The following HSD11B1 variants were observed in gnomAD, a reference collection of about 807,000 sequenced individuals.
The protein encoded by HSD11B1 is hydroxysteroid 11-beta dehydrogenase 1, also known as 11-beta-hydroxysteroid dehydrogenase 1.
In HSD11B1, 15 loss-of-function variants were observed where a neutral mutation model predicts 22.1. That is an observed-to-expected ratio of 0.68 (90% CI 0.45 to 1.04). HSD11B1 has a LOEUF of 1.04. Ranked by LOEUF, HSD11B1 falls within the 50% of genes least tolerant of loss-of-function variation. HSD11B1 has a pLI of 0.00. For synonymous variants in HSD11B1, 122 were observed against 125.2 expected (o/e 0.97, Z 0.17); for missense variants, 281 against 357.6 (o/e 0.79, Z 1.73).
intron 1 of HSD11B1, among the ~76,000 whole-genome samples, chr1:209,699,422 G>T (rs1207643104): frequency 6.6e-6 from 1 of 152,166 alleles, no homozygotes; most frequent in Non-Finnish European, 1.5e-5. Flanking sequence ...AGAGTAAAAT[G>T]AGAAAGAAGC....
intron 1 of HSD11B1, among the ~76,000 whole-genome samples, chr1:209,690,290 AG>A (rs1418766754): frequency 2.0e-5 from 3 of 151,882 alleles, no homozygotes; most frequent in African/African-American, 7.3e-5. Context: ...TGGGCAACAG[AG>A]TGAGACCCTG....
chr1:209,710,917 C>T (rs908381995), intron 4 of HSD11B1, among the ~76,000 whole-genome samples: 1 of 152,144 alleles, frequency 6.6e-6, no homozygotes, highest in Non-Finnish European at 1.5e-5. Flanking sequence ...TATTCCTTTC[C>T]TGTTTTACTC....
In HSD11B1 at chr1:209,722,641, G is replaced by A. The variant is rs906848530; in HGVS notation, c.518-9795G>A. Among the ~76,000 whole-genome samples, 4 of 152,192 alleles carry A rather than the reference G, an allele frequency of 2.6e-5. No individual in the cohort carries two copies. In the South Asian group the frequency reaches 8.3e-4, roughly 31 times the overall value. On this transcript the variant is annotated intron_variant, in intron 4 of 5. Coordinates refer to ENST00000367027, the MANE Select transcript of HSD11B1 (RefSeq NM_005525.4). ...CAAACAACTAAAGAGTTTAGACCAT[G>A]AGGGTCTCAACTGAGGAAGGATTTT...
chr1:209,709,143 C>T (rs1488435098), intron 4 of HSD11B1, among the ~76,000 whole-genome samples: 1 of 152,188 alleles, frequency 6.6e-6, no homozygotes, highest in Non-Finnish European at 1.5e-5. Context: ...GTCAGCCAAA[C>T]AGTACTGGGA....
chr1:209,725,829 C>T (rs1455337740), intron 4 of HSD11B1, among the ~76,000 whole-genome samples: 1 of 152,180 alleles, frequency 6.6e-6, no homozygotes, highest in African/African-American at 2.4e-5. Context: ...TCCTTATTTG[C>T]ACATGGTCCT....
chr1:209,708,622 A>G (rs1224912825), intron 4 of HSD11B1, among the ~76,000 whole-genome samples: 2 of 152,226 alleles, frequency 1.3e-5, no homozygotes, highest in African/African-American at 4.8e-5. Flanking sequence ...AGGGCATTGG[A>G]CAAAATCCTC....
intron 4 of HSD11B1, among the ~76,000 whole-genome samples, chr1:209,709,167 A>G (rs900524745): frequency 8.5e-5 from 13 of 152,184 alleles, no homozygotes; most frequent in Admixed American, 5.9e-4. Context: ...AGTTTTAATC[A>G]TTTCTTCTAG....
At chr1:209,697,971 A>G (rs1346200543) in intron 1 of HSD11B1, among the ~76,000 whole-genome samples, 5 of 125,136 alleles carry the variant, frequency 4.0e-5, no homozygotes, top group African/African-American at 1.5e-4. Context: ...GCCACAAGTG[A>G]TCCTCTCTTT....
chr1:209,699,902 C>A (rs1388395903), upstream of HSD11B1, among the ~76,000 whole-genome samples: 1 of 152,176 alleles, frequency 6.6e-6, no homozygotes, highest in Non-Finnish European at 1.5e-5. Flanking sequence ...AAGGGGCAGT[C>A]AAACTTTAAA....
chr1:209,730,109 G>A (rs866347271), intron 4 of HSD11B1, among the ~76,000 whole-genome samples: 1 of 152,062 alleles, frequency 6.6e-6, no homozygotes, highest in African/African-American at 2.4e-5. Flanking sequence ...ATTCAACGTA[G>A]TACTGGAAGT....
At chr1:209,702,950 C>T (rs968860316), upstream of HSD11B1, among the ~76,000 whole-genome samples, 3 of 152,170 alleles carry the variant, frequency 2.0e-5, no homozygotes, top group African/African-American at 4.8e-5. Flanking sequence ...TTTCTAGCAT[C>T]GTAGCTATTA....
chr1:209,715,778 T>C (rs1200559892), intron 4 of HSD11B1, among the ~76,000 whole-genome samples: 1 of 152,118 alleles, frequency 6.6e-6, no homozygotes, highest in East Asian at 1.9e-4. Flanking sequence ...ACTTAGAAAA[T>C]CACCATTTGG....
intron 1 of HSD11B1, among the ~76,000 whole-genome samples, chr1:209,687,301 C>T (rs1036711060): frequency 6.6e-6 from 1 of 152,124 alleles, no homozygotes; most frequent in Non-Finnish European, 1.5e-5. Flanking sequence ...CAGTGTTTCT[C>T]TTTGGGGTTT....
Position 209,734,689 on chromosome 1 carries a change from A to C in HSD11B1, c.*168A>C. On this transcript the variant is annotated 3_prime_UTR_variant, in exon 6 of 6. Transcript: ENST00000367027. ...GTTCCTCTAACATTTGCAAAATGGA[A>C]ATGTAATAATAATGAATGTCATGCA... The C allele has an allele frequency of 1.6e-6, 1 of 631,980 alleles. No individual in the cohort carries two copies. The highest frequency in any genetic ancestry group is 1.8e-5 in the South Asian group (1 of 56,936). 39.1% of individuals were successfully genotyped at this position (631,980 alleles called of 1,614,324 possible).
intron 4 of HSD11B1, among the ~76,000 whole-genome samples, chr1:209,707,797 C>T (rs2102373361): frequency 6.6e-6 from 1 of 152,264 alleles, no homozygotes. Flanking sequence ...AAGGACTTTG[C>T]TTCCTCCATG....
At chr1:209,688,593 C>T (rs796779799) in intron 1 of HSD11B1, among the ~76,000 whole-genome samples, 35 of 152,236 alleles carry the variant, frequency 2.3e-4, no homozygotes, top group African/African-American at 7.7e-4. Context: ...TCGAATAAAA[C>T]CATGCAATAA....
At chr1:209,717,898 A>AT (rs2076939954) in intron 4 of HSD11B1, among the ~76,000 whole-genome samples, 1 of 151,776 alleles carries the variant, frequency 6.6e-6, no homozygotes, top group East Asian at 1.9e-4. Context: ...AAAAAAGGAA[A>AT]TCAATATATC....
upstream of HSD11B1, among the ~76,000 whole-genome samples, chr1:209,703,706 C>G (rs11590066): frequency 6.6e-6 from 1 of 152,170 alleles, no homozygotes; most frequent in African/African-American, 2.4e-5. Context: ...TCTGTCCCCC[C>G]ACTACTCCCA....
At chr1:209,691,536 G>T (rs1004680837) in intron 1 of HSD11B1, among the ~76,000 whole-genome samples, 1 of 150,982 alleles carries the variant, frequency 6.6e-6, no homozygotes. Flanking sequence ...CAATTAATTT[G>T]ACCTATTTAT....
Sources: allele counts gnomAD v4.1 joint callset (sites outside exome capture counted in the v4.1 genomes callset), GRCh38; gene constraint gnomAD v4.1.1; transcripts MANE v1.5; gene names NCBI Gene and HGNC (gene_info 2026-07-23, HGNC 2026-07-21).